The following CNNM4 variants were observed in gnomAD, a reference collection of about 807,000 sequenced individuals.
CNNM4 encodes the protein cyclin and CBS domain divalent metal cation transport mediator 4.
CNNM4 carries 32 observed loss-of-function variants against 53.7 expected under a neutral mutation model. That is an observed-to-expected ratio of 0.60 (90% confidence interval 0.45 to 0.80). The LOEUF (loss-of-function observed/expected upper bound fraction) is 0.80, where lower values mean the gene tolerates loss of function less well. CNNM4 is among the 30% of genes least tolerant of loss of function. The pLI is 0.00. For missense variants in CNNM4, 784 were observed against 1,022.0 expected (o/e 0.77, Z 3.17); for synonymous variants, 410 against 440.0 (o/e 0.93, Z 0.85).
chr2:96,795,965 A>G (rs975884259), intron 1 of CNNM4, among the ~76,000 whole-genome samples: 1 of 152,006 alleles, frequency 6.6e-6, no homozygotes, highest in African/African-American at 2.4e-5. Context: ...GTCCTGCCCC[A>G]TGCCAGCCTC....
Position 96,801,626 on chromosome 2 carries a change from A to T in CNNM4, c.1948+1978A>T, listed in dbSNP as rs1291862589. Among the ~76,000 whole-genome samples, 1 of 148,262 alleles carries T rather than the reference A, an allele frequency of 6.7e-6. No homozygotes were observed. The highest frequency in any genetic ancestry group is 1.5e-5 in the Non-Finnish European group (1 of 67,140). On this transcript the variant is annotated intron_variant, in intron 5 of 6. Transcript: ENST00000377075. The surrounding 1 kb of genome is among the most constrained non-coding windows in gnomAD (Gnocchi z 5.6). ...CACAGAGACCACACACAGAGACCAC[A>T]CGCAGAGAGACCACACACATGCAGA... is the stretch of plus-strand genomic sequence containing the variant.
At chr2:96,774,055 T>G (rs1441000609) in intron 1 of CNNM4, among the ~76,000 whole-genome samples, 1 of 152,246 alleles carries the variant, frequency 6.6e-6, no homozygotes, top group Middle Eastern at 3.4e-3. Context: ...TTACTTAGTT[T>G]TCCCCCCTTC....
chr2:96,775,422 C>T (rs1376745757), intron 1 of CNNM4, among the ~76,000 whole-genome samples: 1 of 152,136 alleles, frequency 6.6e-6, no homozygotes, highest in Non-Finnish European at 1.5e-5. Flanking sequence ...TCATAATATT[C>T]CCTTATATAA....
intron 5 of CNNM4, among the ~76,000 whole-genome samples, chr2:96,805,426 T>TTG (rs2079193637): frequency 7.1e-6 from 1 of 139,946 alleles, no homozygotes; most frequent in African/African-American, 3.0e-5. Context: ...CAGTTTTTTT[T>TTG]TTTTTTTTTT....
chr2:96,793,652 G>C (rs1266099910), intron 1 of CNNM4, among the ~76,000 whole-genome samples: 1 of 152,200 alleles, frequency 6.6e-6, no homozygotes, highest in East Asian at 1.9e-4. Flanking sequence ...ATCCGCAGGA[G>C]GGCTGTTTCC....
intron 1 of CNNM4, among the ~76,000 whole-genome samples, chr2:96,796,259 C>T (rs979404599): frequency 6.7e-6 from 1 of 150,240 alleles, no homozygotes; most frequent in Non-Finnish European, 1.5e-5. Flanking sequence ...ATTCTCCTGC[C>T]TCAGCCTTCC....
chr2:96,795,743 A>G (rs1422827073), intron 1 of CNNM4, among the ~76,000 whole-genome samples: 1 of 152,140 alleles, frequency 6.6e-6, no homozygotes, highest in Non-Finnish European at 1.5e-5. Flanking sequence ...TGACCTTCCC[A>G]GATTTCCGGG....
chr2:96,791,119 C>CA (rs796162631), intron 1 of CNNM4, among the ~76,000 whole-genome samples: 1,253 of 74,086 alleles, frequency 0.017, 8 homozygotes, highest in Non-Finnish European at 0.022. Flanking sequence ...GACTCTGTCT[C>CA]AAAAAAAAAA....
chr2:96,805,436 T>TA (rs201931015), intron 5 of CNNM4, among the ~76,000 whole-genome samples: 2,063 of 141,178 alleles, frequency 0.015, 43 homozygotes, highest in African/African-American at 0.056. Flanking sequence ...TTTTTTTTTT[T>TA]TTTATTATTT....
intron 1 of CNNM4, among the ~76,000 whole-genome samples, chr2:96,778,472 G>T (rs2078945133): frequency 6.6e-6 from 1 of 151,204 alleles, no homozygotes; most frequent in Admixed American, 6.6e-5. Flanking sequence ...ACAGAGAATT[G>T]CTTGAACCCG....
chr2:96,772,741 A>C (rs541308097), intron 1 of CNNM4, among the ~76,000 whole-genome samples: 3 of 123,432 alleles, frequency 2.4e-5, no homozygotes, highest in Non-Finnish European at 4.9e-5. Flanking sequence ...ACACACACAC[A>C]CACACTCATA....
rs1263756327 is a variant in CNNM4 at position 96,811,847 on chromosome 2, TG to T, written c.*2332del. The T allele has an allele frequency of 1.3e-5, 2 of 152,608 alleles. No homozygotes were observed. The highest frequency in any genetic ancestry group is 2.4e-5 in the African/African-American group (1 of 41,454). 9.5% of individuals were successfully genotyped at this position (152,608 alleles called of 1,614,324 possible). ...ACGATATATGGAATTTATTTTTGAT[TG>T]GTAATAAAAAATCAAATATGTATAA... On this transcript the variant is annotated 3_prime_UTR_variant, in exon 7 of 7. Transcript: ENST00000377075.
chr2:96,787,456 A>T (rs1336826343), intron 1 of CNNM4, among the ~76,000 whole-genome samples: 1 of 152,200 alleles, frequency 6.6e-6, no homozygotes, highest in Non-Finnish European at 1.5e-5. Context: ...TAAAACAGTG[A>T]CTTTGGACCA....
intron 3 of CNNM4, 135 bp from the exon 4 acceptor site, chr2:96,798,922 G>A (rs1211955595): frequency 1.4e-5 from 12 of 868,134 alleles, no homozygotes; most frequent in East Asian, 7.6e-5. Context: ...GGTGCAGAAC[G>A]AGGGCCGGCC....
At chr2:96,777,116 G>A (rs1183871961) in intron 1 of CNNM4, among the ~76,000 whole-genome samples, 1 of 151,964 alleles carries the variant, frequency 6.6e-6, no homozygotes, top group Middle Eastern at 3.2e-3. Context: ...CGCCTCCTGG[G>A]TTCAGGCAAT....
chr2:96,801,978 GACAC>G lies in CNNM4; in HGVS notation c.1948+2336_1948+2339del, dbSNP rs918895510. Among the ~76,000 whole-genome samples the G allele has an allele frequency of 4.1e-5, 6 of 146,794 alleles. No homozygotes were observed. Among genetic ancestry groups the G allele is most frequent in the East Asian group, 2.1e-4 (1 of 4,828 alleles). The stretch of plus-strand genomic sequence containing the variant: ...ACACCCATAGGCACACACACAAAGA[GACAC>G]ACACAGACACACACCCATGGACACA... On this transcript the variant is annotated intron_variant, in intron 5 of 6. Transcript: ENST00000377075. This position sits in a 1 kb window ranked among gnomAD's most constrained non-coding sequence, Gnocchi z 5.6.
chr2:96,788,188 G>C (rs1177034349), intron 1 of CNNM4, among the ~76,000 whole-genome samples: 2 of 151,940 alleles, frequency 1.3e-5, no homozygotes, highest in African/African-American at 4.8e-5. Flanking sequence ...CTCCCAAAGT[G>C]CTGGGATTAC....
In CNNM4 at chr2:96,809,439, T is replaced by A. The variant is rs1366537083; in HGVS notation, c.2250T>A (p.Pro750=). Reference sequence around the variant, plus strand: ...ACTTGGCCGAGAAGTCTGAGCTGCCTGTGGTGGACGAGACCACAACTCTTC... The same window carrying A: ...ACTTGGCCGAGAAGTCTGAGCTGCCAGTGGTGGACGAGACCACAACTCTTC... ...MENLAEKSEL[P]VVDETTTLLN... Residue 750 remains proline (P), a synonymous_variant, in exon 7 of 7, where the codon CCT becomes CCA. Transcript: ENST00000377075. 4.3e-6 allele frequency: 7 copies of A among 1,614,102 alleles called. No individual in the cohort carries two copies. Among genetic ancestry groups the A allele is most frequent in the Admixed American group, 3.3e-5 (2 of 60,008 alleles).
chr2:96,765,146 G>A lies in CNNM4; in HGVS notation c.1402+2745G>A, dbSNP rs188960943. 2.8e-3 allele frequency among the ~76,000 whole-genome samples: 396 copies of A among 139,716 alleles called. 2 individuals are homozygous for A. Among genetic ancestry groups the A allele is most frequent in the African/African-American group, 9.6e-3 (363 of 37,692 alleles). 91.7% of individuals were successfully genotyped at this position (139,716 alleles called of 152,430 possible). ...GTTTGTTGTTGTTTTTTTTTTTTGA[G>A]ACGGAGTTTTGCTCTTGTTGTCCAG... On this transcript the variant is annotated intron_variant, in intron 1 of 6. Transcript: ENST00000377075.
Sources: allele counts gnomAD v4.1 joint callset (sites outside exome capture counted in the v4.1 genomes callset), GRCh38; gene constraint gnomAD v4.1.1; non-coding constraint Gnocchi (gnomAD v3.1); transcripts MANE v1.5; gene names NCBI Gene and HGNC (gene_info 2026-07-23, HGNC 2026-07-21).